The following AGBL3 variants were observed in gnomAD, a reference collection of about 807,000 sequenced individuals.
The protein encoded by AGBL3 is cytosolic carboxypeptidase 3.
AGBL3 carries 68 observed loss-of-function variants against 94.5 expected under a neutral mutation model. The observed-to-expected ratio is 0.72, with a 90% CI of 0.59 to 0.88. AGBL3 has a LOEUF of 0.88. AGBL3 is among the 40% of genes least tolerant of loss of function. AGBL3 has a pLI of 0.00. For missense variants in AGBL3, 934 were observed against 1,103.8 expected (o/e 0.85, Z 2.18); for synonymous variants, 354 against 370.7 (o/e 0.95, Z 0.52).
At chr7:134,990,507 TTTAAA>T (rs1474075205) in intron 3 of AGBL3, among the ~76,000 whole-genome samples, 7 of 152,226 alleles carry the variant, frequency 4.6e-5, no homozygotes, top group African/African-American at 1.7e-4. Flanking sequence ...TTCATGCTCA[TTTAAA>T]TTATTTTCAG....
At chr7:135,100,265 T>C (rs933137073) in intron 15 of AGBL3, among the ~76,000 whole-genome samples, 2 of 151,996 alleles carry the variant, frequency 1.3e-5, no homozygotes, top group Non-Finnish European at 2.9e-5. Flanking sequence ...TCAAATGCTT[T>C]ACTATCCATT....
chr7:135,102,637 T>C (rs1215962312), intron 15 of AGBL3, among the ~76,000 whole-genome samples: 1 of 151,386 alleles, frequency 6.6e-6, no homozygotes, highest in Non-Finnish European at 1.5e-5. Flanking sequence ...TTTTTTTTTT[T>C]CATTGCTCTA....
chr7:135,117,813 C>G (rs926391328), intron 16 of AGBL3, among the ~76,000 whole-genome samples: 1 of 152,218 alleles, frequency 6.6e-6, no homozygotes, highest in African/African-American at 2.4e-5. Context: ...GGGACTGCCT[C>G]TTGATCCACA....
chr7:135,076,657 C>T (rs1431267789), intron 13 of AGBL3, among the ~76,000 whole-genome samples, 189 bp downstream of exon 13: 1 of 151,938 alleles, frequency 6.6e-6, no homozygotes, highest in African/African-American at 2.4e-5. Flanking sequence ...TATTAAGATG[C>T]CATATTTAAA....
At position 134,986,721 on chromosome 7, in the gene AGBL3, GGCGCCCCCTGCGGGAAGCGAGC is replaced by G. The variant is rs1003781023; in HGVS notation, c.-60+28_-60+49del. On this transcript the variant is annotated intron_variant, in intron 1 of 16. Coordinates refer to ENST00000436302, the MANE Select transcript of AGBL3 (RefSeq NM_178563.4). ...GGTGAGGTATGCAGAAGTAAGGCGG[GGCGCCCCCTGCGGGAAGCGAGC>G]GCGCCCCGGAAAATGAGCGCCTCCC... 5.2e-5 allele frequency: 8 copies of G among 152,432 alleles called. No homozygotes were observed. Among genetic ancestry groups the G allele is most frequent in the Non-Finnish European group, 1.2e-4 (8 of 68,186 alleles). The allele number at this position is 152,432 out of a possible 1,614,324, so 9.4% of individuals were successfully genotyped here.
chr7:135,125,507 A>C (rs1585260381), intron 16 of AGBL3, among the ~76,000 whole-genome samples: 1 of 152,178 alleles, frequency 6.6e-6, no homozygotes, highest in African/African-American at 2.4e-5. Context: ...TACTCCAAAC[A>C]ATTGAAAAGG....
intron 16 of AGBL3, among the ~76,000 whole-genome samples, chr7:135,126,689 G>C (rs1562902567): frequency 6.6e-6 from 1 of 152,010 alleles, no homozygotes; most frequent in African/African-American, 2.4e-5. Context: ...CAATGCAACA[G>C]AACGGAGACC....
chr7:135,093,330 A>C (rs890183238), intron 15 of AGBL3: 2 of 152,246 alleles, frequency 1.3e-5, no homozygotes, highest in East Asian at 3.9e-4. Flanking sequence ...TATTAGCACT[A>C]ATAAATGAGT....
intron 11 of AGBL3, among the ~76,000 whole-genome samples, chr7:135,047,396 AAGTAAG>A (rs1817468381): frequency 6.6e-6 from 1 of 152,090 alleles, no homozygotes; most frequent in Non-Finnish European, 1.5e-5. Flanking sequence ...AAATACCCAG[AAGTAAG>A]ACTGCTGGAT....
Position 135,034,412 on chromosome 7 carries a change from G to T in AGBL3, c.821G>T (p.Gly274Val). Reference protein sequence around the residue: ...KYYRNNPGQDGRHYFSLTWTF... With the variant: ...KYYRNNPGQDVRHYFSLTWTF... Reference sequence around the variant, plus strand: ...TATAGGAACAACCCAGGCCAAGATGGGCGCCATTATTTCTCTCTTACATGG... The same window carrying T: ...TATAGGAACAACCCAGGCCAAGATGTGCGCCATTATTTCTCTCTTACATGG... Residue 274 changes from glycine (G) to valine (V), a missense_variant, in exon 7 of 17, where the codon GGG (glycine) becomes GTG (valine). Physicochemically the swap from Gly to Val is moderately radical, Grantham distance 109. Transcript: ENST00000436302. 6.4e-7 allele frequency: 1 copy of T among 1,551,632 alleles called. No individual in the cohort carries two copies. The highest frequency in any genetic ancestry group is 1.4e-5 in the African/African-American group (1 of 73,154).
At chr7:135,037,705 A>G in intron 8 of AGBL3, 125 bp downstream of exon 8, 1 of 724,458 alleles carries the variant, frequency 1.4e-6, no homozygotes, top group Non-Finnish European at 2.0e-6. Context: ...ACCAGTTTAT[A>G]CAATTGACAA....
chr7:135,081,661 T>A, intron 14 of AGBL3, 58 bp from the exon 15 acceptor site: 1 of 1,165,286 alleles, frequency 8.6e-7, no homozygotes, highest in Non-Finnish European at 1.2e-6. Flanking sequence ...ATGAAAAATA[T>A]GAAATGTAAA....
In AGBL3 at chr7:135,014,221, A is replaced by C. The variant is rs968492139; in HGVS notation, c.311-2831A>C. Among the ~76,000 whole-genome samples, 33 of 92,972 alleles carry C rather than the reference A, an allele frequency of 3.5e-4. 1 individual carries two copies. Among genetic ancestry groups the C allele is most frequent in the Admixed American group, 1.8e-3 (15 of 8,406 alleles). 61.0% of individuals were successfully genotyped at this position (92,972 alleles called of 152,430 possible). A position where few individuals can be genotyped will look rare whatever the true frequency, so the allele number is the denominator to read the frequency against. On this transcript the variant is annotated intron_variant, in intron 4 of 16. Coordinates refer to ENST00000436302, the MANE Select transcript of AGBL3 (RefSeq NM_178563.4). ...TGAAAAAAAAAAAAAAAAAAAAAAA[A>C]AAAAAACCCGAAATGTTGATACCTA...
At chr7:135,124,397 A>G (rs1034870761) in intron 16 of AGBL3, among the ~76,000 whole-genome samples, 2 of 152,168 alleles carry the variant, frequency 1.3e-5, no homozygotes, top group Non-Finnish European at 2.9e-5. Flanking sequence ...GATTCATAAA[A>G]CAAGTTCTTA....
chr7:135,007,825 A>T (rs1291212361), intron 4 of AGBL3, among the ~76,000 whole-genome samples: 1 of 152,052 alleles, frequency 6.6e-6, no homozygotes, highest in Non-Finnish European at 1.5e-5. Flanking sequence ...AGAATACAAG[A>T]GTAATATATA....
intron 14 of AGBL3, among the ~76,000 whole-genome samples, chr7:135,080,844 A>T (rs1820861166): frequency 6.7e-6 from 1 of 150,164 alleles, no homozygotes; most frequent in South Asian, 2.1e-4. Context: ...TTTATCTAAA[A>T]TACCTAATTT....
chr7:135,068,741 A>C (rs1819600624), intron 12 of AGBL3, among the ~76,000 whole-genome samples: 1 of 152,266 alleles, frequency 6.6e-6, no homozygotes, highest in East Asian at 1.9e-4. Context: ...AGGAAGCACT[A>C]AACATGGAAA....
chr7:135,114,856 T>A (rs1783030923), intron 15 of AGBL3, among the ~76,000 whole-genome samples: 1 of 152,160 alleles, frequency 6.6e-6, no homozygotes, highest in Non-Finnish European at 1.5e-5. Context: ...TGATTTTCCA[T>A]CTCACACTCA....
At chr7:135,094,650 A>G in intron 15 of AGBL3, 3 of 407,706 alleles carry the variant, frequency 7.4e-6, no homozygotes, top group Non-Finnish European at 1.5e-5. Flanking sequence ...ACAAGGGCCT[A>G]CTCTCTTAGG....
Sources: allele counts gnomAD v4.1 joint callset (sites outside exome capture counted in the v4.1 genomes callset), GRCh38; gene constraint gnomAD v4.1.1; transcripts MANE v1.5; gene names NCBI Gene and HGNC (gene_info 2026-07-23, HGNC 2026-07-21).